The following OR56A3 variants were observed in gnomAD, a reference collection of about 807,000 sequenced individuals.
OR56A3 encodes the protein olfactory receptor 56A3.
OR56A3 carries 23 observed loss-of-function variants against 17.5 expected under a neutral mutation model. The observed-to-expected ratio is 1.32, with a 90% CI of 0.95 to 1.87. The LOEUF (loss-of-function observed/expected upper bound fraction) is 1.87. OR56A3 is among the 40% of genes most tolerant of loss of function. The pLI, the probability that OR56A3 is intolerant of heterozygous loss-of-function variation, is 0.00. For synonymous variants in OR56A3, 175 were observed against 150.6 expected (o/e 1.16, Z -1.19); for missense variants, 366 against 380.1 (o/e 0.96, Z 0.31).
chr11:6,006,173 T>C, the OR56A3 span: 1 of 152,188 alleles, frequency 6.6e-6, no homozygotes, highest in African/African-American at 2.4e-5. Flanking sequence ...GGAAGACATA[T>C]GTTCTTTTGG....
At chr11:6,014,988 G>GAAAAAAAAAAA in the OR56A3 span, among the ~76,000 whole-genome samples, 1 of 7,118 alleles carries the variant, frequency 1.4e-4, no homozygotes, top group Non-Finnish European at 2.5e-4. Context: ...ATATTCATGG[G>GAAAAAAAAAAA]CAAAAAAAAA....
chr11:5,968,002 G>A, the OR56A3 span: 1 of 1,591,496 alleles, frequency 6.3e-7, no homozygotes, highest in East Asian at 2.3e-5. Context: ...CGAGAAGAAA[G>A]TATGGGGATA....
chr11:5,979,161 G>C, the OR56A3 span, among the ~76,000 whole-genome samples: 1 of 150,178 alleles, frequency 6.7e-6, no homozygotes. Flanking sequence ...ATGTTCATTA[G>C]GGATATTGGC....
At chr11:6,008,255 G>A in the OR56A3 span, among the ~76,000 whole-genome samples, 1 of 152,242 alleles carries the variant, frequency 6.6e-6, no homozygotes, top group South Asian at 2.1e-4. Flanking sequence ...AATGTAGATG[G>A]AATATAATCC....
chr11:5,990,417 A>C, the OR56A3 span, among the ~76,000 whole-genome samples: 1 of 152,200 alleles, frequency 6.6e-6, no homozygotes, highest in Non-Finnish European at 1.5e-5. Context: ...GCTTCATGGC[A>C]GAAAGAGATC....
At chr11:5,963,960 AC>A in the OR56A3 span, among the ~76,000 whole-genome samples, 2 of 151,846 alleles carry the variant, frequency 1.3e-5, no homozygotes, top group Admixed American at 6.6e-5. Flanking sequence ...CTTTCTGTCT[AC>A]AGATTCTTTC....
chr11:5,954,687 T>G (rs950470546), downstream of OR56A3, among the ~76,000 whole-genome samples: 1 of 152,146 alleles, frequency 6.6e-6, no homozygotes, highest in Non-Finnish European at 1.5e-5. Context: ...ACAAAGTAAC[T>G]GGTACCAAAT....
At position 5,948,435 on chromosome 11, in the gene OR56A3, G is replaced by A. The variant is rs960272078; in HGVS notation, c.*141G>A. The A allele has an allele frequency of 1.7e-5, 10 of 599,024 alleles. No homozygotes were observed. Among genetic ancestry groups the A allele is most frequent in the South Asian group, 2.6e-5 (1 of 38,408 alleles). 37.1% of individuals were successfully genotyped at this position (599,024 alleles called of 1,614,324 possible). On this transcript the variant is annotated 3_prime_UTR_variant, in exon 3 of 3. Coordinates refer to ENST00000641160, the MANE Select transcript of OR56A3 (RefSeq NM_001003443.3). ...ATTGTGTGTGCTTTTCAAAAACATC[G>A]GTTTTAATTTAAGTCTATCTTCCTT...
At chr11:5,945,601 A>AAAAAAAAAAAAAAAAAAAAAAAAG (rs1194101404) in intron 2 of OR56A3, among the ~76,000 whole-genome samples, 1 of 137,234 alleles carries the variant, frequency 7.3e-6, no homozygotes, top group Non-Finnish European at 1.5e-5. Context: ...AAAAAAAAAA[A>AAAAAAAAAAAAAAAAAAAAAAAAG]AATTATTTCT....
chr11:6,012,007 A>G, the OR56A3 span, among the ~76,000 whole-genome samples: 1 of 152,224 alleles, frequency 6.6e-6, no homozygotes, highest in Non-Finnish European at 1.5e-5. Context: ...AGAGGGAGTC[A>G]CAGCCCCGGC....
the OR56A3 span, among the ~76,000 whole-genome samples, chr11:5,991,223 A>G: frequency 6.6e-5 from 10 of 152,200 alleles, no homozygotes; most frequent in African/African-American, 9.7e-5. Flanking sequence ...TACGCAATAC[A>G]TATGGTGAGG....
the OR56A3 span, among the ~76,000 whole-genome samples, chr11:5,972,862 G>C: frequency 6.6e-6 from 1 of 152,210 alleles, no homozygotes; most frequent in South Asian, 2.1e-4. Flanking sequence ...TTCTCAAAGT[G>C]CTGGGATTAC....
At chr11:5,980,009 T>C in the OR56A3 span, among the ~76,000 whole-genome samples, 1 of 152,284 alleles carries the variant, frequency 6.6e-6, no homozygotes, top group East Asian at 1.9e-4. Flanking sequence ...GAGATCTTCT[T>C]GGTATTGATT....
chr11:6,011,627 G>A, the OR56A3 span, among the ~76,000 whole-genome samples: 103,182 of 151,962 alleles, frequency 0.68, 35,342 homozygotes, highest in East Asian at 0.93. Context: ...TCGCTTTTAT[G>A]GCTAGAAACT....
At chr11:5,961,101 C>T in the OR56A3 span, among the ~76,000 whole-genome samples, 638 of 151,578 alleles carry the variant, frequency 4.2e-3, 3 homozygotes, top group African/African-American at 0.015. Context: ...GGGGGCAGCC[C>T]GCGCCCGGCC....
the OR56A3 span, among the ~76,000 whole-genome samples, chr11:5,975,038 T>C: frequency 1.3e-5 from 2 of 152,234 alleles, no homozygotes; most frequent in Admixed American, 6.5e-5. Context: ...AAATATAAAG[T>C]TCTACCTCTT....
rs1281971655 is a variant in OR56A3 at position 5,949,660 on chromosome 11, C to T, written c.*1366C>T. The T allele has an allele frequency of 6.6e-6, 1 of 152,016 alleles. No homozygotes were observed. Among genetic ancestry groups the T allele is most frequent in the African/African-American group, 2.4e-5 (1 of 41,378 alleles). The allele number at this position is 152,016 out of a possible 1,614,324, so 9.4% of individuals were successfully genotyped here. ...TCAAGTATCAAATACCAAGACTGTC[C>T]CAAATGTCCGAATGTTTTAAATTTA... On this transcript the variant is annotated 3_prime_UTR_variant, in exon 3 of 3. Coordinates refer to ENST00000641160, the MANE Select transcript of OR56A3 (RefSeq NM_001003443.3).
chr11:5,966,174 C>T, the OR56A3 span, among the ~76,000 whole-genome samples: 3 of 138,074 alleles, frequency 2.2e-5, no homozygotes, highest in East Asian at 6.3e-4. Flanking sequence ...AGTTCAAGAC[C>T]AACCTCAGCA....
the OR56A3 span, chr11:6,001,835 A>G: frequency 1.2e-5 from 6 of 492,680 alleles, no homozygotes; most frequent in Admixed American, 3.8e-5. Flanking sequence ...CAAAGTAACC[A>G]TAGAATCCAG....
Sources: allele counts gnomAD v4.1 joint callset (sites outside exome capture counted in the v4.1 genomes callset), GRCh38; gene constraint gnomAD v4.1.1; transcripts MANE v1.5; gene names NCBI Gene and HGNC (gene_info 2026-07-23, HGNC 2026-07-21).